Variants in ITIH6 observed in about 807,000 individuals in gnomAD.
ITIH6 encodes the protein inter-alpha-trypsin inhibitor heavy chain H6.
A neutral mutation model predicts 58.2 loss-of-function variants in ITIH6; 60 were observed. That is an observed-to-expected ratio of 1.03 (90% CI 0.84 to 1.28). The LOEUF is 1.28. Among genes scored for constraint, ITIH6 ranks in the 50% most tolerant of loss-of-function variants. The pLI is 0.00. For missense variants in ITIH6, 1,290 were observed against 1,021.1 expected, an observed-to-expected ratio of 1.26 and a Z score of -3.59; for synonymous variants, 493 against 417.4, an observed-to-expected ratio of 1.18 and a Z score of -2.21.
In ITIH6 at chrX:54,749,736, G is replaced by A; in HGVS notation, c.*159C>T. Reference sequence around the variant, plus strand: ...ACTCTATGTCTCTGCATGTCTATGTGTTTGTATACCCTTGTATATGTGTTC... The same window carrying A: ...ACTCTATGTCTCTGCATGTCTATGTATTTGTATACCCTTGTATATGTGTTC... On this transcript the variant is annotated 3_prime_UTR_variant, in exon 13 of 13. Transcript: ENST00000218436. 3 of 439,189 alleles carry A rather than the reference G, an allele frequency of 6.8e-6. No individual in the cohort carries two copies. Among genetic ancestry groups the A allele is most frequent in the Non-Finnish European group, 8.0e-6 (2 of 249,868 alleles). 36.2% of individuals were successfully genotyped at this position (439,189 alleles called of 1,213,427 possible). A position where few individuals can be genotyped will look rare whatever the true frequency, so the allele number is the denominator to read the frequency against.
At chrX:54,773,026 T>A (rs192532230) in intron 6 of ITIH6, among the ~76,000 whole-genome samples, 2 of 111,776 alleles carry the variant, frequency 1.8e-5, no homozygotes, top group East Asian at 5.6e-4. Flanking sequence ...CTACCTCAGC[T>A]CCCCTTCTAG....
chrX:54,750,372 AAAG>A (rs1928328760), intron 12 of ITIH6, among the ~76,000 whole-genome samples: 1 of 110,885 alleles, frequency 9.0e-6, no homozygotes. Context: ...GGAAGATTAG[AAAG>A]AAGGAGACAA....
At chrX:54,762,154 A>T (rs1029822567) in intron 6 of ITIH6, among the ~76,000 whole-genome samples, 14 of 111,696 alleles carry the variant, frequency 1.3e-4, no homozygotes, top group Non-Finnish European at 2.4e-4. Context: ...AGTCCTTCAC[A>T]TCCCTTGTAA....
At position 54,760,293 on chromosome X, in the gene ITIH6, T is replaced by C. The variant is rs183207043; in HGVS notation, c.904-366A>G. Among the ~76,000 whole-genome samples the C allele has an allele frequency of 1.0e-3, 115 of 111,751 alleles. 1 individual carries two copies. Among genetic ancestry groups the C allele is most frequent in the African/African-American group, 3.6e-3 (112 of 30,791 alleles). Reference sequence around the variant, plus strand: ...TAGATAGCACAGAATTTTAGATCATTTCCATCATCACGAAAGTCATATTGG... The same window carrying C: ...TAGATAGCACAGAATTTTAGATCATCTCCATCATCACGAAAGTCATATTGG... On this transcript the variant is annotated intron_variant, in intron 6 of 12. Transcript: ENST00000218436.
intron 6 of ITIH6, among the ~76,000 whole-genome samples, chrX:54,769,694 G>T (rs1602059607): frequency 1.1e-5 from 1 of 95,119 alleles, no homozygotes; most frequent in South Asian, 5.6e-4. Flanking sequence ...GCTGCTCGGG[G>T]GTCAGGGGTC....
chrX:54,789,725 G>A (rs765705872), intron 4 of ITIH6, among the ~76,000 whole-genome samples: 6 of 111,851 alleles, frequency 5.4e-5, no homozygotes, highest in Non-Finnish European at 1.1e-4. Flanking sequence ...GGCAGTGCTT[G>A]TGGGAAATAA....
chrX:54,753,326 T>C (rs147308554), intron 11 of ITIH6, among the ~76,000 whole-genome samples: 2 of 112,738 alleles, frequency 1.8e-5, no homozygotes, highest in Admixed American at 1.9e-4. Flanking sequence ...GCTTATCTTG[T>C]ACTTGATGGA....
At chrX:54,773,658 A>G (rs1024221440) in intron 6 of ITIH6, among the ~76,000 whole-genome samples, 6 of 109,702 alleles carry the variant, frequency 5.5e-5, no homozygotes, top group African/African-American at 2.0e-4. Context: ...TTCTAATTCT[A>G]TAATGCTAGT....
intron 6 of ITIH6, among the ~76,000 whole-genome samples, chrX:54,764,807 T>C (rs1331958861): frequency 1.0e-5 from 1 of 97,000 alleles, no homozygotes; most frequent in African/African-American, 3.8e-5. Flanking sequence ...ATGGTATTTC[T>C]AGTTCTAGAT....
chrX:54,764,721 C>T (rs1384975883), intron 6 of ITIH6, among the ~76,000 whole-genome samples: 7 of 90,676 alleles, frequency 7.7e-5, no homozygotes, highest in East Asian at 3.6e-4. Context: ...AATAAACATA[C>T]GTGTGCATGT....
chrX:54,797,724 A>G (rs1284994262), intron 1 of ITIH6, among the ~76,000 whole-genome samples: 1 of 111,261 alleles, frequency 9.0e-6, no homozygotes, highest in African/African-American at 3.3e-5. Context: ...TCTTGAGGCA[A>G]TGGTCCCTCT....
At chrX:54,792,365 A>G (rs1929365769) in intron 2 of ITIH6, among the ~76,000 whole-genome samples, 1 of 111,791 alleles carries the variant, frequency 8.9e-6, no homozygotes, top group African/African-American at 3.2e-5. Context: ...GCATAATTTT[A>G]GGTACGATAT....
At chrX:54,796,549 T>C (rs1032692869) in intron 2 of ITIH6, among the ~76,000 whole-genome samples, 3 of 109,982 alleles carry the variant, frequency 2.7e-5, no homozygotes, top group Non-Finnish European at 5.7e-5. Context: ...CCGGGTGTGG[T>C]GGCATGCGCC....
At chrX:54,789,624 C>G (rs1425657220) in intron 4 of ITIH6, among the ~76,000 whole-genome samples, 6 of 112,696 alleles carry the variant, frequency 5.3e-5, no homozygotes, top group Non-Finnish European at 9.4e-5. Flanking sequence ...GTTCCAGCTG[C>G]TGCTGTGTGT....
rs1336385880 is a variant in ITIH6 at position 54,798,089 on chromosome X, T to TC, written c.102+19dup. On this transcript the variant is annotated intron_variant, in intron 1 of 12. Coordinates refer to ENST00000218436, the MANE Select transcript of ITIH6 (RefSeq NM_198510.3). ...TTTATCACAAATCCCCAAGCTTTTT[T>TC]CCCTCATCCCAGAACTGACCTTTGT... 1 of 1,083,292 alleles carries TC rather than the reference T, an allele frequency of 9.2e-7. No homozygotes were observed. Among genetic ancestry groups the TC allele is most frequent in the Non-Finnish European group, 1.3e-6 (1 of 797,115 alleles). 89.3% of individuals were successfully genotyped at this position (1,083,292 alleles called of 1,213,427 possible). A position where few individuals can be genotyped will look rare whatever the true frequency, so the allele number is the denominator to read the frequency against.
At chrX:54,750,656 A>G (rs1183504741) in intron 12 of ITIH6, among the ~76,000 whole-genome samples, 2 of 111,073 alleles carry the variant, frequency 1.8e-5, no homozygotes, top group South Asian at 3.9e-4. Context: ...ACTCAACTCT[A>G]TTTCCTCCAA....
At chrX:54,775,439 G>A (rs1268105744) in intron 5 of ITIH6, among the ~76,000 whole-genome samples, 1 of 109,969 alleles carries the variant, frequency 9.1e-6, no homozygotes, top group Admixed American at 9.7e-5. Context: ...CACTTTGATT[G>A]CCCACCCCAC....
At chrX:54,775,211 A>G (rs1929029556) in intron 5 of ITIH6, among the ~76,000 whole-genome samples, 2 of 111,770 alleles carry the variant, frequency 1.8e-5, no homozygotes, top group South Asian at 7.5e-4. Context: ...CAACAGCAGA[A>G]CCCAGTGGCC....
intron 5 of ITIH6, 44 bp downstream of exon 5, chrX:54,788,436 G>A (rs1929281819): frequency 7.0e-6 from 8 of 1,145,176 alleles, no homozygotes; most frequent in Non-Finnish European, 9.5e-6. Context: ...AGGCCTGTCT[G>A]ACTCCAGAGC....
Sources: gnomAD v4.1 joint callset for allele counts (sites outside exome capture counted in the v4.1 genomes callset) on GRCh38, gnomAD v4.1.1 for gene constraint, MANE v1.5 for transcripts, NCBI Gene and HGNC (gene_info 2026-07-23, HGNC 2026-07-21) for gene names.